Variants in CDH8 observed in about 807,000 individuals in gnomAD.
CDH8 encodes cadherin-8.
CDH8 carries 17 observed loss-of-function variants against 68.1 expected under a neutral mutation model. That is an observed-to-expected ratio of 0.25 (90% CI 0.17 to 0.37). CDH8 has a LOEUF of 0.37. Among genes scored for constraint, CDH8 ranks in the 10% least tolerant of loss-of-function variants. The pLI is 1.00. For missense variants in CDH8, 763 were observed against 999.3 expected, an observed-to-expected ratio of 0.76 and a Z score of 3.19; for synonymous variants, 372 against 365.1, an observed-to-expected ratio of 1.02 and a Z score of -0.21.
intron 2 of CDH8, among the ~76,000 whole-genome samples, chr16:61,943,174 T>C (rs1056769318): frequency 3.9e-5 from 6 of 152,222 alleles, no homozygotes; most frequent in Admixed American, 2.6e-4. Flanking sequence ...CTCTGTTTCA[T>C]CTTCTGTATT....
chr16:61,782,528 G>A (rs547791703), intron 8 of CDH8, among the ~76,000 whole-genome samples: 36 of 152,166 alleles, frequency 2.4e-4, no homozygotes, highest in African/African-American at 8.2e-4. Context: ...GCCCGCCATT[G>A]CCCAGGCTTG....
chr16:61,831,681 G>A (rs1447739081), intron 4 of CDH8, among the ~76,000 whole-genome samples: 2 of 151,706 alleles, frequency 1.3e-5, no homozygotes, highest in Non-Finnish European at 1.5e-5. Flanking sequence ...TAATTTCTGT[G>A]ATATCACCAG....
At chr16:61,930,272 C>A (rs1349849911) in intron 2 of CDH8, among the ~76,000 whole-genome samples, 2 of 137,318 alleles carry the variant, frequency 1.5e-5, no homozygotes, top group Non-Finnish European at 3.2e-5. Flanking sequence ...AGTTAGAAAA[C>A]ACACACACAC....
chr16:61,857,312 A>G, intron 3 of CDH8, 74 bp from the exon 4 acceptor site: 1 of 1,339,022 alleles, frequency 7.5e-7, no homozygotes, highest in East Asian at 2.5e-5. Context: ...TTTGTCAAGT[A>G]TTTTATACAG....
chr16:61,926,795 T>C (rs1338733437), intron 2 of CDH8, among the ~76,000 whole-genome samples: 1 of 152,172 alleles, frequency 6.6e-6, no homozygotes, highest in Admixed American at 6.5e-5. Context: ...GCATCTAGGG[T>C]GTGCTGAGCT....
intron 9 of CDH8, chr16:61,725,652 A>G (rs1471055160): frequency 6.6e-6 from 1 of 150,854 alleles, no homozygotes; most frequent in Non-Finnish European, 1.5e-5. Flanking sequence ...ATGTATTGAT[A>G]TGTGTATATA....
At chr16:61,913,078 A>C (rs1432175754) in intron 2 of CDH8, among the ~76,000 whole-genome samples, 1 of 152,160 alleles carries the variant, frequency 6.6e-6, no homozygotes, top group Admixed American at 6.5e-5. Context: ...TGGGAATAGA[A>C]GTGTTTCAGA....
At chr16:61,889,156 T>C (rs971132394) in intron 3 of CDH8, among the ~76,000 whole-genome samples, 6 of 152,184 alleles carry the variant, frequency 3.9e-5, no homozygotes, top group Admixed American at 3.9e-4. Flanking sequence ...TGCAGCCTCA[T>C]GTTGTAAATA....
intron 2 of CDH8, among the ~76,000 whole-genome samples, chr16:62,014,607 T>C (rs1901892589): frequency 6.6e-6 from 1 of 152,156 alleles, no homozygotes; most frequent in African/African-American, 2.4e-5. Flanking sequence ...TAAACTGTAA[T>C]ATAGTGTAAT....
rs1291811118 is a variant in CDH8, at chr16:61,647,845, G to T, written c.*5763C>A. The T allele has an allele frequency of 1.4e-6, 1 of 699,746 alleles. No individual in the cohort carries two copies. The highest frequency in any genetic ancestry group is 1.5e-5 in the South Asian group (1 of 67,522). 43.3% of individuals were successfully genotyped at this position (699,746 alleles called of 1,614,324 possible). A position where few individuals can be genotyped will look rare whatever the true frequency, so the allele number is the denominator to read the frequency against. The stretch of plus-strand genomic sequence containing the variant: ...TGGTTTTCCACAGTCTTTCTCTTCA[G>T]ACAGCATCTTGTGATATTCCTCCTA... On this transcript the variant is annotated 3_prime_UTR_variant, in exon 12 of 12. Transcript: ENST00000577390.
intron 8 of CDH8, among the ~76,000 whole-genome samples, chr16:61,756,022 T>C (rs1028641023): frequency 4.6e-5 from 7 of 152,152 alleles, no homozygotes; most frequent in African/African-American, 1.7e-4. Context: ...GGTTTCGCCA[T>C]GTTGACCAGG....
chr16:61,877,792 GA>G (rs1335917851), intron 3 of CDH8, among the ~76,000 whole-genome samples: 1 of 152,074 alleles, frequency 6.6e-6, no homozygotes, highest in Admixed American at 6.6e-5. Context: ...ATGCACGGGG[GA>G]AAAATATTAG....
chr16:61,814,053 T>C (rs1323550418), intron 7 of CDH8, among the ~76,000 whole-genome samples: 1 of 152,170 alleles, frequency 6.6e-6, no homozygotes, highest in Non-Finnish European at 1.5e-5. Flanking sequence ...GATGGTGGCT[T>C]ACCTTTTATT....
chr16:62,030,006 T>C (rs1455548697), intron 1 of CDH8, among the ~76,000 whole-genome samples: 1 of 152,206 alleles, frequency 6.6e-6, no homozygotes, highest in African/African-American at 2.4e-5. Flanking sequence ...CCAACGATCC[T>C]AGTATAAGTC....
intron 8 of CDH8, among the ~76,000 whole-genome samples, chr16:61,757,018 T>C (rs371928912): frequency 2.0e-5 from 3 of 152,160 alleles, no homozygotes; most frequent in Non-Finnish European, 2.9e-5. Context: ...CAAAGAAGGG[T>C]AGACATGACA....
At chr16:61,906,839 T>C (rs1964070458) in intron 2 of CDH8, among the ~76,000 whole-genome samples, 1 of 152,192 alleles carries the variant, frequency 6.6e-6, no homozygotes, top group Admixed American at 6.5e-5. Flanking sequence ...TGCAAAGCCC[T>C]CGCATTTCCT....
chr16:61,752,996 C>T (rs575532675), intron 8 of CDH8, among the ~76,000 whole-genome samples: 3 of 152,132 alleles, frequency 2.0e-5, no homozygotes, highest in South Asian at 2.1e-4. Context: ...TGCAGAGATA[C>T]GACAAGATAT....
At chr16:61,775,615 G>A (rs926198713) in intron 8 of CDH8, among the ~76,000 whole-genome samples, 12 of 152,036 alleles carry the variant, frequency 7.9e-5, no homozygotes, top group Non-Finnish European at 1.5e-4. Flanking sequence ...GGGGCTTCCT[G>A]TTGCTTTGCT....
At chr16:61,927,051 A>G (rs548350094) in intron 2 of CDH8, among the ~76,000 whole-genome samples, 13 of 152,030 alleles carry the variant, frequency 8.6e-5, no homozygotes, top group African/African-American at 2.4e-4. Context: ...TCCTTTTTTC[A>G]TTTTGCCTTG....
Sources: allele counts gnomAD v4.1 joint callset (sites outside exome capture counted in the v4.1 genomes callset), GRCh38; gene constraint gnomAD v4.1.1; transcripts MANE v1.5; gene names NCBI Gene and HGNC (gene_info 2026-07-23, HGNC 2026-07-21).